ASIC2: variants seen among roughly 807,000 people sequenced by gnomAD.
ASIC2 encodes the protein acid sensing ion channel subunit 2.
ASIC2 carries 25 observed loss-of-function variants against 57.3 expected under a neutral mutation model. The ratio of observed to expected loss-of-function variants is 0.44; its 90% CI spans 0.32 to 0.61. The LOEUF (loss-of-function observed/expected upper bound fraction) is 0.61, where lower values mean the gene tolerates loss of function less well. Among genes scored for constraint, ASIC2 ranks in the 20% least tolerant of loss-of-function variants. The probability of loss-of-function intolerance (pLI) is 0.06; values close to 1 mark genes in which losing one functional copy is unlikely to be tolerated. For missense variants in ASIC2, 641 were observed against 738.1 expected, an observed-to-expected ratio of 0.87 and a Z score of 1.52; for synonymous variants, 319 against 307.5, an observed-to-expected ratio of 1.04 and a Z score of -0.39.
chr17:33,157,959 C>A (rs1286903693), intron 1 of ASIC2, among the ~76,000 whole-genome samples: 1 of 152,218 alleles, frequency 6.6e-6, no homozygotes, highest in Non-Finnish European at 1.5e-5. Context: ...CAGGCTTCTG[C>A]CCTTGCTGTT....
intron 1 of ASIC2, among the ~76,000 whole-genome samples, chr17:33,579,580 C>G (rs912675723): frequency 6.6e-6 from 1 of 152,134 alleles, no homozygotes; most frequent in Admixed American, 6.5e-5. Context: ...GTGAGTGTTA[C>G]AGCTCTTAAA....
intron 1 of ASIC2, among the ~76,000 whole-genome samples, chr17:33,771,114 A>C (rs948192550): frequency 1.4e-4 from 21 of 152,292 alleles, no homozygotes; most frequent in African/African-American, 5.1e-4. Flanking sequence ...ATAAAACTAC[A>C]TAGTAACTTA....
rs533679717 is a variant in ASIC2, at chr17:33,878,812, C to A, written c.555+277166G>T. On this transcript the variant is annotated intron_variant, in intron 1 of 9. Coordinates refer to the ASIC2 transcript ENST00000359872. ...CTCCAAGACACATAATTGTCAGATT[C>A]ACCAAAGTTGAAATGAAGGAAAAAA... 2.0e-3 allele frequency among the ~76,000 whole-genome samples: 306 copies of A among 152,236 alleles called. 5 individuals are homozygous for A. The highest frequency in any genetic ancestry group is 7.1e-3 in the African/African-American group (295 of 41,524).
intron 1 of ASIC2, among the ~76,000 whole-genome samples, chr17:33,456,702 G>A (rs1398588844): frequency 6.6e-6 from 1 of 152,184 alleles, no homozygotes; most frequent in Non-Finnish European, 1.5e-5. Context: ...GTAAGAGCTG[G>A]AGTGAGCACC....
rs144729086 is a variant in ASIC2 at position 34,116,505 on chromosome 17, T to C, written c.555+39473A>G. ...GCCAGTGAGGTGGTGTAATTCCTGC[T>C]GGAGTATGTCTGCTAAGGTGTTAAA... On this transcript the variant is annotated intron_variant, in intron 1 of 9. Coordinates refer to the ASIC2 transcript ENST00000359872. Among the ~76,000 whole-genome samples the C allele has an allele frequency of 3.3e-5, 5 of 152,274 alleles. No homozygotes were observed. In the East Asian group the frequency reaches 9.7e-4, roughly 29 times the overall value.
chr17:33,718,970 G>A (rs1909305119), intron 1 of ASIC2, among the ~76,000 whole-genome samples: 1 of 152,184 alleles, frequency 6.6e-6, no homozygotes, highest in African/African-American at 2.4e-5. Context: ...ACCCTTGTCA[G>A]GCACTGGTCC....
At chr17:33,764,377 C>A (rs1030268131) in intron 1 of ASIC2, among the ~76,000 whole-genome samples, 4 of 151,330 alleles carry the variant, frequency 2.6e-5, no homozygotes, top group African/African-American at 9.7e-5. Context: ...GAGCAGCCAG[C>A]ATTCACTGAG....
rs566146455 is a variant in ASIC2, at chr17:33,489,891, T to C, written c.556-377824A>G. Among the ~76,000 whole-genome samples, 62 of 152,334 alleles carry C rather than the reference T, an allele frequency of 4.1e-4. No individual in the cohort carries two copies. The Middle Eastern group carries it at 0.01, about 25-fold the overall frequency. ...ATCTTAGTCCTGAGTACCCAGGCAA[T>C]CGGAAAGTCTTGGCTTTACCTTGAA... On this transcript the variant is annotated intron_variant, in intron 1 of 9. Coordinates refer to the ASIC2 transcript ENST00000359872.
intron 1 of ASIC2, among the ~76,000 whole-genome samples, chr17:33,629,522 C>T (rs1165585434): frequency 6.6e-6 from 1 of 152,128 alleles, no homozygotes; most frequent in African/African-American, 2.4e-5. Flanking sequence ...ATGTTGGTTG[C>T]GTTAATACAA....
chr17:34,023,493 T>G (rs1258333570), intron 1 of ASIC2, among the ~76,000 whole-genome samples: 1 of 152,040 alleles, frequency 6.6e-6, no homozygotes, highest in Admixed American at 6.6e-5. Context: ...CCTCCAAAAT[T>G]CAGGCATTGC....
rs375575593 is a variant in ASIC2, at chr17:33,610,054, G to GCGCGCACACACACACACACA, written c.556-497988_556-497987insTGTGTGTGTGTGTGTGCGCG. 6.2e-5 allele frequency among the ~76,000 whole-genome samples: 9 copies of GCGCGCACACACACACACACA among 144,848 alleles called. 1 individual carries two copies. Among genetic ancestry groups the GCGCGCACACACACACACACA allele is most frequent in the African/African-American group, 1.8e-4 (7 of 38,438 alleles). On this transcript the variant is annotated intron_variant, in intron 1 of 9. Transcript: ENST00000359872. ...CTTCACTGGGACCCTGGACAGAGGC[G>GCGCGCACACACACACACACA]CACACACACACACACACACACACAC...
chr17:33,729,218 G>A (rs1015490649), intron 1 of ASIC2, among the ~76,000 whole-genome samples: 3 of 152,188 alleles, frequency 2.0e-5, no homozygotes, highest in Non-Finnish European at 4.4e-5. Context: ...GAAGGAGAAG[G>A]GGGAGCAGAT....
At chr17:33,067,313 G>A (rs1192680043) in intron 3 of ASIC2, among the ~76,000 whole-genome samples, 1 of 152,216 alleles carries the variant, frequency 6.6e-6, no homozygotes, top group Non-Finnish European at 1.5e-5. Flanking sequence ...AAAGACCTCT[G>A]TGGGCATCTG....
intron 1 of ASIC2, among the ~76,000 whole-genome samples, chr17:33,954,822 T>G (rs991625223): frequency 2.0e-5 from 3 of 152,238 alleles, no homozygotes; most frequent in Non-Finnish European, 2.9e-5. Context: ...TTCCCTGACA[T>G]GCAGCCCGGT....
chr17:33,545,138 A>T (rs1597777559), intron 1 of ASIC2, among the ~76,000 whole-genome samples: 1 of 152,106 alleles, frequency 6.6e-6, no homozygotes, highest in Non-Finnish European at 1.5e-5. Flanking sequence ...AGATAGCCCT[A>T]CTCCATAGAT....
intron 6 of ASIC2, among the ~76,000 whole-genome samples, chr17:33,023,488 T>TC (rs2091846315): frequency 7.7e-6 from 1 of 129,972 alleles, no homozygotes; most frequent in African/African-American, 3.1e-5. Context: ...AGGCTCCATC[T>TC]CAAAAAAAAA....
At chr17:33,260,313 G>A (rs955657557) in intron 1 of ASIC2, among the ~76,000 whole-genome samples, 1 of 152,210 alleles carries the variant, frequency 6.6e-6, no homozygotes, top group Admixed American at 6.5e-5. Flanking sequence ...AGTAGCAACA[G>A]GGAGAGGGGT....
intron 1 of ASIC2, among the ~76,000 whole-genome samples, chr17:33,655,961 G>T (rs1907062286): frequency 6.6e-6 from 1 of 152,022 alleles, no homozygotes; most frequent in South Asian, 2.1e-4. Flanking sequence ...TGAGTTTTGG[G>T]GGGATAGTAT....
intron 1 of ASIC2, among the ~76,000 whole-genome samples, chr17:33,626,433 G>A (rs1054169441): frequency 6.6e-6 from 1 of 152,042 alleles, no homozygotes; most frequent in Admixed American, 6.5e-5. Context: ...TGCCTTTGAG[G>A]ACAATATTCA....
Sources: gnomAD v4.1 joint callset for allele counts (sites outside exome capture counted in the v4.1 genomes callset) on GRCh38, gnomAD v4.1.1 for gene constraint, MANE v1.5 for transcripts, NCBI Gene and HGNC (gene_info 2026-07-23, HGNC 2026-07-21) for gene names.